The following AGL variants were observed in gnomAD, a reference collection of about 807,000 sequenced individuals.
The protein encoded by AGL is amylo-alpha-1,6-glucosidase and 4-alpha-glucanotransferase, also known as glycogen debranching enzyme.
A neutral mutation model predicts 199.3 loss-of-function variants in AGL; 128 were observed. That is an observed-to-expected ratio of 0.64 (90% CI 0.56 to 0.74). The LOEUF is 0.74. Ranked by LOEUF, AGL falls within the 30% of genes least tolerant of loss-of-function variation. The pLI is 0.00. For missense variants in AGL, 1,809 were observed against 1,820.8 expected (o/e 0.99, Z 0.12); for synonymous variants, 584 against 594.7 (o/e 0.98, Z 0.26).
upstream of AGL, chr1:99,850,033 C>T: frequency 6.6e-6 from 1 of 152,502 alleles, no homozygotes; most frequent in Non-Finnish European, 1.5e-5. Context: ...TGAGACGGTG[C>T]GGTGCCCACG....
chr1:99,916,563 A>G, intron 32 of AGL, 35 bp from the exon 33 acceptor site: 1 of 1,609,356 alleles, frequency 6.2e-7, no homozygotes, highest in Non-Finnish European at 8.5e-7. Flanking sequence ...TTAGGTATTT[A>G]TGGTTTTTTT....
chr1:99,913,849 G>A lies in AGL; in HGVS notation c.4161+111G>A, dbSNP rs1654927638. The A allele has an allele frequency of 2.7e-5, 27 of 1,002,198 alleles. No individual in the cohort carries two copies. In the South Asian group the frequency reaches 2.7e-4, roughly 10 times the overall value. 62.1% of individuals were successfully genotyped at this position (1,002,198 alleles called of 1,614,324 possible). ...CTTCATTGCTAAAAAGTAGTATATT[G>A]CTTACTAGCTAGTTTTAAATAGTCT... On this transcript the variant is annotated intron_variant, in intron 30 of 33. Coordinates refer to ENST00000361915, the MANE Select transcript of AGL (RefSeq NM_000642.3).
Position 99,916,585 on chromosome 1 carries a change from T to A in AGL, c.4348-13T>A, listed in dbSNP as rs1250185491. On this transcript the variant is annotated splice_polypyrimidine_tract_variant and intron_variant, in intron 32 of 33. Transcript: ENST00000361915. ...TTTATGGTTTTTTTTGTCTTTTAAA[T>A]AATCTTTTTTAGGAGTGGCTGTGGC... is the stretch of plus-strand genomic sequence containing the variant. The A allele has an allele frequency of 1.2e-6, 2 of 1,612,244 alleles. No individual in the cohort carries two copies. The highest frequency in any genetic ancestry group is 2.2e-5 in the South Asian group (2 of 90,712).
intron 20 of AGL, among the ~76,000 whole-genome samples, chr1:99,885,186 T>C (rs1219311478): frequency 6.6e-6 from 1 of 152,218 alleles, no homozygotes; most frequent in East Asian, 1.9e-4. Context: ...GTTATTCCCT[T>C]TCTAGATGTT....
At chr1:99,865,168 T>A (rs1194059937) in intron 5 of AGL, among the ~76,000 whole-genome samples, 7 of 151,414 alleles carry the variant, frequency 4.6e-5, no homozygotes, top group African/African-American at 4.9e-5. Context: ...AATATCAAAA[T>A]ATATATATAT....
chr1:99,885,691 G>C (rs967607818), intron 20 of AGL, among the ~76,000 whole-genome samples: 1 of 152,114 alleles, frequency 6.6e-6, no homozygotes, highest in Non-Finnish European at 1.5e-5. Flanking sequence ...ATTGCATGCT[G>C]CCTATGAGAA....
intron 33 of AGL, among the ~76,000 whole-genome samples, chr1:99,920,037 T>C (rs1486506879): frequency 6.6e-6 from 1 of 152,236 alleles, no homozygotes; most frequent in East Asian, 1.9e-4. Flanking sequence ...AAAGGGGACT[T>C]CCTTATATTT....
At chr1:99,852,969 C>T (rs1466906782) in intron 2 of AGL, among the ~76,000 whole-genome samples, 1 of 152,082 alleles carries the variant, frequency 6.6e-6, no homozygotes, top group Non-Finnish European at 1.5e-5. Flanking sequence ...TCTCAGCTTC[C>T]CTGTTTATTT....
rs759162131 is a variant in AGL at position 99,913,679 on chromosome 1, G to A, written c.4102G>A (p.Ala1368Thr). Residue 1368 changes from alanine to threonine, a missense_variant, in exon 30 of 34, where the codon GCT becomes ACT. Physicochemically the swap from Ala to Thr is moderately conservative, Grantham distance 58 (BLOSUM62 0). Transcript: ENST00000361915. ...KRGIYKDSYG[A>T]SSPWCDYQLR... Reference sequence around the variant, plus strand: ...TGGCATATACAAAGATAGTTATGGAGCTTCAAGTCCTTGGTGTGACTATCA... The same window carrying A: ...TGGCATATACAAAGATAGTTATGGAACTTCAAGTCCTTGGTGTGACTATCA... 12 of 1,613,952 alleles carry A rather than the reference G, an allele frequency of 7.4e-6. No individual in the cohort carries two copies. The South Asian group carries it at 8.8e-5, about 12-fold the overall frequency.
At position 99,881,170 on chromosome 1, in the gene AGL, C is replaced by T; in HGVS notation, c.1994C>T (p.Pro665Leu). Residue 665 changes from proline to leucine, a missense_variant, in exon 15 of 34, where the codon CCT (proline) becomes CTT (leucine). Pro to Leu is a moderately conservative substitution (Grantham distance 98, BLOSUM62 -3). Transcript: ENST00000361915. Reference protein sequence around the residue: ...GSTRGYDELVPHQISVVSEER... With the variant: ...GSTRGYDELVLHQISVVSEER... ...ACAAGAGGCTATGATGAATTAGTGC[C>T]TCATCAGGTTTGTTTATATGTTGTT... The T allele has an allele frequency of 6.2e-7, 1 of 1,613,346 alleles. No homozygotes were observed. The highest frequency in any genetic ancestry group is 8.5e-7 in the Non-Finnish European group (1 of 1,179,408).
intron 12 of AGL, among the ~76,000 whole-genome samples, chr1:99,879,623 A>G (rs1195319352): frequency 6.6e-6 from 1 of 152,094 alleles, no homozygotes; most frequent in Non-Finnish European, 1.5e-5. Context: ...AACAAAAAAC[A>G]GGGAGAAAAC....
chr1:99,901,407 A>G (rs1195725942), intron 26 of AGL, among the ~76,000 whole-genome samples: 8 of 136,114 alleles, frequency 5.9e-5, no homozygotes, highest in African/African-American at 2.1e-4. Context: ...AAAAAAAAAG[A>G]GGAAAGGAAT....
At chr1:99,885,134 A>G (rs1652358422) in intron 20 of AGL, among the ~76,000 whole-genome samples, 1 of 152,124 alleles carries the variant, frequency 6.6e-6, no homozygotes, top group Admixed American at 6.6e-5. Context: ...ATTGTTCCCT[A>G]TTATTTATGT....
intron 25 of AGL, among the ~76,000 whole-genome samples, chr1:99,897,673 T>C (rs1000967587): frequency 5.3e-5 from 8 of 152,328 alleles, no homozygotes; most frequent in Admixed American, 5.2e-4. Flanking sequence ...AAGAAGGAAA[T>C]GGAACATCAG....
chr1:99,916,726 T>G lies in AGL; in HGVS notation c.4476T>G (p.Leu1492=), dbSNP rs1655148276. The part of the protein sequence containing the change: ...KNVLSRHYVH[L]ERSPWKGLPE... Reference sequence around the variant, plus strand: ...TTCTTTCCCGACATTATGTTCATCTTGAGAGGTAAGTCATCAGGAGCATGT... The same window carrying G: ...TTCTTTCCCGACATTATGTTCATCTGGAGAGGTAAGTCATCAGGAGCATGT... Residue 1492 remains leucine (L), a synonymous_variant, in exon 33 of 34, where the codon CTT becomes CTG. Transcript: ENST00000361915. 6.2e-7 allele frequency: 1 copy of G among 1,613,220 alleles called. No individual in the cohort carries two copies. The highest frequency in any genetic ancestry group is 8.5e-7 in the Non-Finnish European group (1 of 1,179,396).
intron 29 of AGL, 141 bp downstream of exon 29, chr1:99,912,658 T>G (rs565532634): frequency 1.4e-6 from 1 of 701,224 alleles, no homozygotes; most frequent in African/African-American, 1.8e-5. Context: ...AATTTACTAG[T>G]GTGAAAATTG....
intron 17 of AGL, among the ~76,000 whole-genome samples, chr1:99,883,001 AT>A (rs1258941435): frequency 6.6e-6 from 1 of 152,166 alleles, no homozygotes. Context: ...TGTGTACAAT[AT>A]TATCTCAGGT....
intron 27 of AGL, among the ~76,000 whole-genome samples, chr1:99,903,498 G>T (rs983883278): frequency 6.6e-6 from 1 of 152,170 alleles, no homozygotes; most frequent in Non-Finnish European, 1.5e-5. Context: ...GTATTCCATG[G>T]TGTATATGTG....
At chr1:99,873,866 T>A (rs1006396254) in intron 7 of AGL, among the ~76,000 whole-genome samples, 1 of 152,226 alleles carries the variant, frequency 6.6e-6, no homozygotes, top group African/African-American at 2.4e-5. Flanking sequence ...TTTGTTTTTT[T>A]GTTCGTGTTT....
Sources: gnomAD v4.1 joint callset for allele counts (sites outside exome capture counted in the v4.1 genomes callset) on GRCh38, gnomAD v4.1.1 for gene constraint, MANE v1.5 for transcripts, NCBI Gene and HGNC (gene_info 2026-07-23, HGNC 2026-07-21) for gene names.